Variants in OSBPL8 observed in about 807,000 individuals in gnomAD.
The protein encoded by OSBPL8 is oxysterol binding protein like 8, also known as oxysterol-binding protein-related protein 8.
OSBPL8 carries 59 observed loss-of-function variants against 125.5 expected under a neutral mutation model. The observed-to-expected ratio is 0.47, with a 90% CI of 0.38 to 0.58. The LOEUF (loss-of-function observed/expected upper bound fraction) is 0.58, where lower values mean the gene tolerates loss of function less well. Ranked by LOEUF, OSBPL8 falls within the 20% of genes least tolerant of loss-of-function variation. The pLI, the probability that OSBPL8 is intolerant of heterozygous loss-of-function variation, is 0.00. For missense variants in OSBPL8, 758 were observed against 1,047.8 expected (o/e 0.72, Z 3.82); for synonymous variants, 330 against 338.9 (o/e 0.97, Z 0.29).
At chr12:76,537,350 GT>G (rs1375927673) in intron 1 of OSBPL8, among the ~76,000 whole-genome samples, 3 of 152,084 alleles carry the variant, frequency 2.0e-5, no homozygotes, top group African/African-American at 4.8e-5. Flanking sequence ...ACTTTAAACT[GT>G]TTTTACATTT....
At chr12:76,464,518 T>C (rs1875155327) in intron 2 of OSBPL8, among the ~76,000 whole-genome samples, 1 of 152,020 alleles carries the variant, frequency 6.6e-6, no homozygotes, top group Non-Finnish European at 1.5e-5. Context: ...TAGTGCACAA[T>C]GCAAAAAAAA....
At chr12:76,448,822 G>C (rs1873030055) in intron 4 of OSBPL8, among the ~76,000 whole-genome samples, 1 of 152,174 alleles carries the variant, frequency 6.6e-6, no homozygotes, top group Admixed American at 6.5e-5. Flanking sequence ...AGACCATCCT[G>C]GCCAACACGG....
chr12:76,386,135 T>C (rs1215834466), intron 14 of OSBPL8, 33 bp downstream of exon 14: 1 of 1,589,968 alleles, frequency 6.3e-7, no homozygotes, highest in Non-Finnish European at 8.5e-7. Context: ...AACTTCCAGA[T>C]CAGTTTTGTT....
intron 15 of OSBPL8, among the ~76,000 whole-genome samples, chr12:76,381,396 C>A (rs967977824): frequency 6.6e-6 from 1 of 152,164 alleles, no homozygotes; most frequent in Non-Finnish European, 1.5e-5. Context: ...ATTACTAAAT[C>A]AATTTATCTG....
At chr12:76,456,988 G>A (rs1027417755) in intron 3 of OSBPL8, among the ~76,000 whole-genome samples, 5 of 152,114 alleles carry the variant, frequency 3.3e-5, no homozygotes, top group Admixed American at 2.0e-4. Flanking sequence ...GGGAGCAACC[G>A]AAGCATCAAC....
At chr12:76,494,371 C>G (rs1226656543) in intron 1 of OSBPL8, among the ~76,000 whole-genome samples, 3 of 152,030 alleles carry the variant, frequency 2.0e-5, no homozygotes, top group Admixed American at 6.6e-5. Context: ...ATATGAGAAC[C>G]CACTGGAGGG....
intron 2 of OSBPL8, among the ~76,000 whole-genome samples, chr12:76,466,400 A>G (rs1875444859): frequency 6.6e-6 from 1 of 152,200 alleles, no homozygotes; most frequent in East Asian, 1.9e-4. Context: ...GAAATCCTAA[A>G]AAGATGCAAA....
chr12:76,455,579 A>T (rs1277771867), intron 3 of OSBPL8, among the ~76,000 whole-genome samples: 1 of 152,216 alleles, frequency 6.6e-6, no homozygotes, highest in Non-Finnish European at 1.5e-5. Context: ...ATAGCCGTGA[A>T]GTAACAAGAA....
chr12:76,356,162 T>TGGGGGGGGGGGGGGGTAGGGGGGGG, intron 23 of OSBPL8, 141 bp from the exon 24 acceptor site: 1 of 131,834 alleles, frequency 7.6e-6, no homozygotes, highest in Admixed American at 8.8e-5. Context: ...TATGTAGGGG[T>TGGGGGGGGGGGGGGGTAGGGGGGGG]GGGGGGGGGC....
At chr12:76,495,255 T>C (rs563969238) in intron 1 of OSBPL8, among the ~76,000 whole-genome samples, 1 of 152,378 alleles carries the variant, frequency 6.6e-6, no homozygotes, top group African/African-American at 2.4e-5. Context: ...GTAAGCTGTA[T>C]GTTATATGCA....
intron 1 of OSBPL8, among the ~76,000 whole-genome samples, chr12:76,537,671 G>A (rs928245152): frequency 6.6e-6 from 1 of 152,156 alleles, no homozygotes; most frequent in Non-Finnish European, 1.5e-5. Context: ...CACTTTGGGA[G>A]GCTGAGGCAG....
intron 4 of OSBPL8, among the ~76,000 whole-genome samples, chr12:76,427,753 AGTTTT>A (rs145290792): frequency 1.4e-3 from 216 of 152,204 alleles, no homozygotes; most frequent in African/African-American, 5.1e-3. Flanking sequence ...TCATCATGAT[AGTTTT>A]AAGTTATGTG....
At chr12:76,490,242 C>T (rs1371501404) in intron 1 of OSBPL8, among the ~76,000 whole-genome samples, 1 of 152,192 alleles carries the variant, frequency 6.6e-6, no homozygotes, top group African/African-American at 2.4e-5. Flanking sequence ...AGGCAGAAAA[C>T]GGCAGGTCCC....
At position 76,457,449 on chromosome 12, in the gene OSBPL8, C is replaced by T. The variant is rs1290415091; in HGVS notation, c.79+2410G>A. Among the ~76,000 whole-genome samples, 4 of 152,090 alleles carry T rather than the reference C, an allele frequency of 2.6e-5. No homozygotes were observed. The East Asian group carries it at 7.7e-4, about 29-fold the overall frequency. ...GCATTCATGATATACCTAACCTTTCCTTTATTTTTTCTATGTTTCTAAGGT... is the reference window on the plus strand; with the variant it reads ...GCATTCATGATATACCTAACCTTTCTTTTATTTTTTCTATGTTTCTAAGGT... On this transcript the variant is annotated intron_variant, in intron 3 of 23. Transcript: ENST00000261183.
At chr12:76,507,134 G>A (rs1880498621) in intron 1 of OSBPL8, among the ~76,000 whole-genome samples, 1 of 151,634 alleles carries the variant, frequency 6.6e-6, no homozygotes, top group Non-Finnish European at 1.5e-5. Context: ...GTATAAAGAA[G>A]ACAATGTTCT....
At chr12:76,370,235 T>C (rs1196797176) in intron 19 of OSBPL8, among the ~76,000 whole-genome samples, 7 of 152,176 alleles carry the variant, frequency 4.6e-5, no homozygotes, top group African/African-American at 1.7e-4. Flanking sequence ...GCAGTGCTTC[T>C]GAAGTTTGGA....
chr12:76,461,191 A>C (rs1254407167), intron 2 of OSBPL8, among the ~76,000 whole-genome samples: 5 of 152,198 alleles, frequency 3.3e-5, no homozygotes, highest in African/African-American at 1.2e-4. Context: ...CCAGGCCCTA[A>C]ATCACTTCTA....
At chr12:76,376,965 C>T (rs1324308792) in intron 16 of OSBPL8, among the ~76,000 whole-genome samples, 2 of 152,152 alleles carry the variant, frequency 1.3e-5, no homozygotes, top group Non-Finnish European at 2.9e-5. Flanking sequence ...ATGATGTTCC[C>T]CTCCCTGTGC....
chr12:76,508,372 G>GT (rs1403805392), intron 1 of OSBPL8, among the ~76,000 whole-genome samples: 1 of 152,186 alleles, frequency 6.6e-6, no homozygotes, highest in Non-Finnish European at 1.5e-5. Context: ...CAGACTGCAT[G>GT]TATGGCAGTG....
Sources: gnomAD v4.1 joint callset for allele counts (sites outside exome capture counted in the v4.1 genomes callset) on GRCh38, gnomAD v4.1.1 for gene constraint, MANE v1.5 for transcripts, NCBI Gene and HGNC (gene_info 2026-07-23, HGNC 2026-07-21) for gene names.